CCNH: variants seen among roughly 807,000 people sequenced by gnomAD.
CCNH encodes the protein cyclin H, also known as cyclin-H.
In CCNH, 31 loss-of-function variants were observed where a neutral mutation model predicts 41.9. That is an observed-to-expected ratio of 0.74 (90% CI 0.56 to 1.00). The LOEUF (loss-of-function observed/expected upper bound fraction) is 1.00. CCNH is among the 50% of genes least tolerant of loss of function. CCNH has a pLI of 0.00. For synonymous variants in CCNH, 138 were observed against 136.1 expected, an observed-to-expected ratio of 1.01 and a Z score of -0.10; for missense variants, 362 against 388.4, an observed-to-expected ratio of 0.93 and a Z score of 0.57.
intron 9 of CCNH, among the ~76,000 whole-genome samples, chr5:87,337,118 G>A (rs756623434): frequency 6.6e-6 from 1 of 151,994 alleles, no homozygotes; most frequent in Non-Finnish European, 1.5e-5. Context: ...AGGGTTAATG[G>A]TACCATCCAA....
intron 9 of CCNH, among the ~76,000 whole-genome samples, chr5:87,324,822 A>C (rs181707938): frequency 6.6e-6 from 1 of 152,210 alleles, no homozygotes; most frequent in African/African-American, 2.4e-5. Flanking sequence ...GTTCAAGTGA[A>C]TTTACCAGTG....
chr5:87,316,463 T>G (rs377480151), downstream of CCNH, among the ~76,000 whole-genome samples: 1 of 152,214 alleles, frequency 6.6e-6, no homozygotes, highest in East Asian at 1.9e-4. Flanking sequence ...AACCAAAGGT[T>G]CTTCTTCATT....
chr5:87,369,772 T>G, intron 9 of CCNH: 1 of 1,456,354 alleles, frequency 6.9e-7, no homozygotes, highest in South Asian at 1.2e-5. Flanking sequence ...TTTTGCTACT[T>G]TTTATTAAGC....
At position 87,394,404 on chromosome 5, in the gene CCNH, C is replaced by T; in HGVS notation, c.*42G>A. 1 of 1,599,240 alleles carries T rather than the reference C, an allele frequency of 6.3e-7. No homozygotes were observed. Among genetic ancestry groups the T allele is most frequent in the Non-Finnish European group, 8.5e-7 (1 of 1,170,506 alleles). On this transcript the variant is annotated 3_prime_UTR_variant, in exon 9 of 9. Coordinates refer to ENST00000256897, the MANE Select transcript of CCNH (RefSeq NM_001239.4). ...AGTTAAACGTTTGATATGCTTCCTA[C>T]TTCTCTTGATTAGTTAGCATTGAGA... is the stretch of plus-strand genomic sequence containing the variant.
At chr5:87,405,123 C>T in intron 4 of CCNH, 116 bp from the exon 5 acceptor site, 1 of 703,346 alleles carries the variant, frequency 1.4e-6, no homozygotes, top group Non-Finnish European at 2.4e-6. Flanking sequence ...ATCTAAAGTT[C>T]CTAGCACAGT....
intron 4 of CCNH, among the ~76,000 whole-genome samples, chr5:87,407,115 G>C (rs1481998759): frequency 1.3e-5 from 2 of 151,942 alleles, no homozygotes; most frequent in Non-Finnish European, 2.9e-5. Context: ...TTTTTACCAG[G>C]GAAGTCTCTG....
chr5:87,402,931 TTTTGAA>T (rs1763520880), intron 5 of CCNH, among the ~76,000 whole-genome samples: 1 of 152,190 alleles, frequency 6.6e-6, no homozygotes, highest in Non-Finnish European at 1.5e-5. Context: ...TTAACCTCAA[TTTTGAA>T]TTTGAACTTA....
At chr5:87,375,240 T>G (rs1426584748), downstream of CCNH, among the ~76,000 whole-genome samples, 3 of 152,050 alleles carry the variant, frequency 2.0e-5, no homozygotes, top group African/African-American at 7.2e-5. Flanking sequence ...ATCCCTTCTT[T>G]CTACTTTTTA....
chr5:87,410,673 C>T lies in CCNH; in HGVS notation c.240+551G>A, dbSNP rs1580468388. Among the ~76,000 whole-genome samples, 2 of 152,246 alleles carry T rather than the reference C, an allele frequency of 1.3e-5. 1 individual carries two copies. Among genetic ancestry groups the T allele is most frequent in the Admixed American group, 1.3e-4 (2 of 15,290 alleles). On this transcript the variant is annotated intron_variant, in intron 2 of 8. Transcript: ENST00000256897. Reference sequence around the variant, plus strand: ...TTATCTTTCTGCTTTTTAATCTCAGCTACCTGTTTCTCCTCACGGTTGCCC... The same window carrying T: ...TTATCTTTCTGCTTTTTAATCTCAGTTACCTGTTTCTCCTCACGGTTGCCC...
chr5:87,381,850 A>G (rs1171213585), upstream of CCNH, among the ~76,000 whole-genome samples: 1 of 152,198 alleles, frequency 6.6e-6, no homozygotes. Flanking sequence ...ATTTTTGCCA[A>G]GGTTAGGTTT....
chr5:87,404,328 TTTAA>T (rs1422996809), intron 5 of CCNH, among the ~76,000 whole-genome samples: 4 of 152,192 alleles, frequency 2.6e-5, no homozygotes, highest in African/African-American at 9.6e-5. Flanking sequence ...GTAAAATAGT[TTTAA>T]TTAACTTTAG....
intron 9 of CCNH, among the ~76,000 whole-genome samples, chr5:87,384,837 A>T (rs1761957928): frequency 6.6e-6 from 1 of 152,248 alleles, no homozygotes; most frequent in African/African-American, 2.4e-5. Context: ...CAGAGGTCCT[A>T]GACTTTATCT....
At chr5:87,375,329 CG>C (rs2112488124), downstream of CCNH, among the ~76,000 whole-genome samples, 1 of 150,634 alleles carries the variant, frequency 6.6e-6, no homozygotes, top group Non-Finnish European at 1.5e-5. Flanking sequence ...GGTGTGATCT[CG>C]GCTCACTGCA....
At chr5:87,385,029 C>T (rs1761972198) in intron 9 of CCNH, among the ~76,000 whole-genome samples, 1 of 151,982 alleles carries the variant, frequency 6.6e-6, no homozygotes, top group Non-Finnish European at 1.5e-5. Flanking sequence ...ATAGTATCAA[C>T]CGTTGGAAAC....
At chr5:87,379,728 CT>C (rs1272238427), upstream of CCNH, 1 of 1,611,362 alleles carries the variant, frequency 6.2e-7, no homozygotes, top group Non-Finnish European at 8.5e-7. Flanking sequence ...TTTATTCCTT[CT>C]TTTAGTTAAG....
intron 5 of CCNH, among the ~76,000 whole-genome samples, chr5:87,403,135 A>G (rs959433615): frequency 2.0e-5 from 3 of 152,060 alleles, no homozygotes; most frequent in African/African-American, 7.2e-5. Flanking sequence ...TTTTGAAATC[A>G]GCAATAAATG....
intron 9 of CCNH, chr5:87,370,048 A>G: frequency 1.3e-6 from 1 of 765,282 alleles, no homozygotes; most frequent in South Asian, 1.8e-5. Flanking sequence ...GAGATTTCAT[A>G]TGTAAAAAGT....
At chr5:87,362,904 TTC>T (rs1441600121) in intron 9 of CCNH, among the ~76,000 whole-genome samples, 4 of 149,996 alleles carry the variant, frequency 2.7e-5, no homozygotes, top group South Asian at 2.1e-4. Flanking sequence ...CTTTCTTTCT[TTC>T]TTTTTTTTTT....
chr5:87,393,697 G>A (rs1028344258), downstream of CCNH: 1 of 152,132 alleles, frequency 6.6e-6, no homozygotes, highest in South Asian at 2.1e-4. Flanking sequence ...GTGGTGATGT[G>A]TGCCTGTAGT....
Sources: allele counts gnomAD v4.1 joint callset (sites outside exome capture counted in the v4.1 genomes callset), GRCh38; gene constraint gnomAD v4.1.1; transcripts MANE v1.5; gene names NCBI Gene and HGNC (gene_info 2026-07-23, HGNC 2026-07-21).